The following PDE1C variants were observed in gnomAD, a reference collection of about 807,000 sequenced individuals.
PDE1C encodes the protein dual specificity calcium/calmodulin-dependent 3',5'-cyclic nucleotide phosphodiesterase 1C.
In PDE1C, 62 loss-of-function variants were observed where a neutral mutation model predicts 93.1. The observed-to-expected ratio is 0.67, with a 90% CI of 0.54 to 0.82. PDE1C has a LOEUF of 0.82. PDE1C is among the 40% of genes least tolerant of loss of function. The pLI, the probability that PDE1C is intolerant of heterozygous loss-of-function variation, is 0.00. For synonymous variants in PDE1C, 325 were observed against 310.1 expected (o/e 1.05, Z -0.50); for missense variants, 742 against 884.6 (o/e 0.84, Z 2.04).
intron 1 of PDE1C, among the ~76,000 whole-genome samples, chr7:32,387,617 G>A (rs866253324): frequency 1.3e-5 from 2 of 148,786 alleles, no homozygotes; most frequent in Non-Finnish European, 3.0e-5. Context: ...GGGGCGGCTG[G>A]CCAGGCGGGG....
intron 3 of PDE1C, 119 bp from the exon 4 acceptor site, chr7:31,879,297 ATTGGCC>A: frequency 5.0e-6 from 5 of 992,116 alleles, no homozygotes; most frequent in Admixed American, 2.8e-5. Context: ...ACCAAATTAA[ATTGGCC>A]ACAAAAAATA....
chr7:32,407,532 C>G (rs1240599299), intron 1 of PDE1C, among the ~76,000 whole-genome samples: 1 of 152,072 alleles, frequency 6.6e-6, no homozygotes, highest in African/African-American at 2.4e-5. Context: ...GATAAGGATC[C>G]TGAACTTTGC....
chr7:32,241,493 G>T (rs936226616), intron 1 of PDE1C, among the ~76,000 whole-genome samples: 2 of 152,182 alleles, frequency 1.3e-5, no homozygotes, highest in East Asian at 3.8e-4. Flanking sequence ...TGCCATTGGA[G>T]TTGTGGTGGG....
the PDE1C span, chr7:31,696,939 C>G: frequency 6.2e-7 from 1 of 1,610,114 alleles, no homozygotes; most frequent in Non-Finnish European, 8.5e-7. Context: ...GATCCTGTTT[C>G]TCTCTGTGTT....
chr7:31,796,044 C>T (rs1785241990), intron 16 of PDE1C, among the ~76,000 whole-genome samples: 1 of 151,088 alleles, frequency 6.6e-6, no homozygotes, highest in South Asian at 2.1e-4. Flanking sequence ...TATTACAATT[C>T]TCTCCTCCAC....
At chr7:31,811,847 C>G (rs991235984) in intron 15 of PDE1C, among the ~76,000 whole-genome samples, 3 of 152,098 alleles carry the variant, frequency 2.0e-5, no homozygotes, top group Non-Finnish European at 4.4e-5. Context: ...GATCCTGTCA[C>G]TGCCAGTGGG....
chr7:32,071,521 T>C (rs115110282), upstream of PDE1C: 930 of 655,010 alleles, frequency 1.4e-3, 11 homozygotes, highest in African/African-American at 0.018. Flanking sequence ...TCTCTCTCTC[T>C]TGTGCGGAAG....
At chr7:31,705,986 A>ATTT in the PDE1C span, among the ~76,000 whole-genome samples, 180 of 52,512 alleles carry the variant, frequency 3.4e-3, 54 homozygotes, top group Middle Eastern at 0.014. Flanking sequence ...CAGACCAGTA[A>ATTT]TTTTTTTTTT....
At chr7:32,249,834 G>A (rs1809233156) in intron 1 of PDE1C, among the ~76,000 whole-genome samples, 3 of 152,094 alleles carry the variant, frequency 2.0e-5, no homozygotes, top group Non-Finnish European at 4.4e-5. Context: ...GTTAGTTCAC[G>A]AGGCAAAAAT....
At chr7:32,356,808 T>A (rs7808851) in intron 1 of PDE1C, among the ~76,000 whole-genome samples, 13,499 of 152,230 alleles carry the variant, frequency 0.089, 705 homozygotes, top group East Asian at 0.13. Context: ...CAACTCATTT[T>A]CTTTACAAAT....
intron 16 of PDE1C, chr7:31,789,197 C>T (rs1784313428): frequency 2.6e-5 from 4 of 152,176 alleles, no homozygotes; most frequent in Admixed American, 2.6e-4. Context: ...ACTTTACTTG[C>T]ACTCCCTTAG....
the PDE1C span, among the ~76,000 whole-genome samples, chr7:31,676,522 C>T: frequency 6.6e-6 from 1 of 151,872 alleles, no homozygotes; most frequent in Non-Finnish European, 1.5e-5. Flanking sequence ...GAAAACATTG[C>T]ATATCAGATG....
the PDE1C span, among the ~76,000 whole-genome samples, chr7:31,645,700 C>A: frequency 3.9e-5 from 6 of 152,138 alleles, no homozygotes; most frequent in Non-Finnish European, 7.3e-5. Context: ...TTTCCCACCC[C>A]TGAACTCCCA....
chr7:31,960,292 C>T (rs1808766259), intron 2 of PDE1C, among the ~76,000 whole-genome samples: 1 of 152,336 alleles, frequency 6.6e-6, no homozygotes, highest in East Asian at 1.9e-4. Context: ...CTGTGCCTCC[C>T]TGTGTGTTAG....
chr7:32,185,306 G>A (rs987752153), intron 2 of PDE1C, among the ~76,000 whole-genome samples: 1 of 150,580 alleles, frequency 6.6e-6, no homozygotes, highest in Admixed American at 6.6e-5. Flanking sequence ...ACTCAGATAG[G>A]TTCTATTTGG....
At chr7:31,721,580 G>C in the PDE1C span, among the ~76,000 whole-genome samples, 2 of 152,218 alleles carry the variant, frequency 1.3e-5, no homozygotes, top group South Asian at 2.1e-4. Context: ...TGAGTATATA[G>C]AAACCAGAGA....
intron 2 of PDE1C, among the ~76,000 whole-genome samples, chr7:32,034,487 T>C (rs1257792488): frequency 6.6e-6 from 1 of 152,122 alleles, no homozygotes; most frequent in Non-Finnish European, 1.5e-5. Context: ...GATTTGGAGA[T>C]CCTATTCCTT....
chr7:31,916,818 C>T (rs1387567180), intron 2 of PDE1C, among the ~76,000 whole-genome samples: 1 of 152,118 alleles, frequency 6.6e-6, no homozygotes, highest in African/African-American at 2.4e-5. Flanking sequence ...ATCAGATCAC[C>T]TATCATGACA....
At chr7:32,227,962 G>C (rs897361038) in intron 1 of PDE1C, among the ~76,000 whole-genome samples, 2 of 152,186 alleles carry the variant, frequency 1.3e-5, no homozygotes, top group African/African-American at 4.8e-5. Flanking sequence ...AGGGCCACCA[G>C]CCCCAGTCAA....
Sources: gnomAD v4.1 joint callset for allele counts (sites outside exome capture counted in the v4.1 genomes callset) on GRCh38, gnomAD v4.1.1 for gene constraint, MANE v1.5 for transcripts, NCBI Gene and HGNC (gene_info 2026-07-23, HGNC 2026-07-21) for gene names.